Variants in MYT1L observed in about 807,000 individuals in gnomAD.
The protein encoded by MYT1L is myelin transcription factor 1-like protein.
In MYT1L, 12 loss-of-function variants were observed where a neutral mutation model predicts 126.7. That is an observed-to-expected ratio of 0.09 (90% CI 0.06 to 0.15). The LOEUF (loss-of-function observed/expected upper bound fraction) is 0.15, where lower values mean the gene tolerates loss of function less well. Ranked by LOEUF, MYT1L falls within the 10% of genes least tolerant of loss-of-function variation. The probability of loss-of-function intolerance (pLI) is 1.00; values close to 1 mark genes in which losing one functional copy is unlikely to be tolerated. For missense variants in MYT1L, 979 were observed against 1,585.2 expected, an observed-to-expected ratio of 0.62 and a Z score of 6.49; for synonymous variants, 541 against 604.2, an observed-to-expected ratio of 0.90 and a Z score of 1.53.
intron 8 of MYT1L, among the ~76,000 whole-genome samples, chr2:1,972,130 C>T (rs896223914): frequency 6.6e-6 from 1 of 152,086 alleles, no homozygotes; most frequent in South Asian, 2.1e-4. Context: ...TGGAGTAAAG[C>T]ACAGATAGCC....
At chr2:2,118,690 C>G in intron 3 of MYT1L, among the ~76,000 whole-genome samples, 1 of 152,106 alleles carries the variant, frequency 6.6e-6, no homozygotes, top group East Asian at 1.9e-4. Context: ...TAATTCCAGT[C>G]ATTTTGCTTG....
At chr2:2,125,906 T>C (rs1486724293) in intron 3 of MYT1L, among the ~76,000 whole-genome samples, 1 of 152,220 alleles carries the variant, frequency 6.6e-6, no homozygotes, top group African/African-American at 2.4e-5. Flanking sequence ...CTAGCAACAA[T>C]GCCGCAATGC....
Position 2,059,049 on chromosome 2 carries a change from G to C in MYT1L, c.-303-4926C>G, listed in dbSNP as rs796600301. On this transcript the variant is annotated intron_variant, in intron 3 of 24. Transcript: ENST00000647738. This position sits in a 1 kb window ranked among gnomAD's most constrained non-coding sequence, Gnocchi z 4.7. ...GTTTATATAAACTCAAGGACAATTG[G>C]GTCATGTCTGCTGTTTGAGAGAAGG... Among the ~76,000 whole-genome samples the C allele has an allele frequency of 6.6e-6, 1 of 152,166 alleles. No individual in the cohort carries two copies. Among genetic ancestry groups the C allele is most frequent in the Non-Finnish European group, 1.5e-5 (1 of 68,034 alleles).
intron 3 of MYT1L, among the ~76,000 whole-genome samples, chr2:2,102,250 A>G (rs2078190601): frequency 6.6e-6 from 1 of 152,210 alleles, no homozygotes; most frequent in African/African-American, 2.4e-5. Flanking sequence ...GTGCTTAATA[A>G]ATGTTTGTAT....
chr2:1,845,875 T>A (rs371422296), intron 19 of MYT1L, among the ~76,000 whole-genome samples: 2 of 152,184 alleles, frequency 1.3e-5, no homozygotes, highest in Non-Finnish European at 2.9e-5. Flanking sequence ...TTATAAGACG[T>A]TCTGTAATAC....
At chr2:1,863,910 A>G (rs187640168) in intron 18 of MYT1L, among the ~76,000 whole-genome samples, 11 of 152,290 alleles carry the variant, frequency 7.2e-5, no homozygotes, top group South Asian at 2.1e-4. Flanking sequence ...GCCTCTAACC[A>G]TGGTTGACGG....
chr2:2,223,530 G>A (rs2093934097), intron 2 of MYT1L, among the ~76,000 whole-genome samples: 1 of 152,182 alleles, frequency 6.6e-6, no homozygotes, highest in African/African-American at 2.4e-5. Context: ...GATTGGTTCT[G>A]TACTGACGTG....
At chr2:2,184,020 A>G (rs1475412983) in intron 2 of MYT1L, among the ~76,000 whole-genome samples, 1 of 151,070 alleles carries the variant, frequency 6.6e-6, no homozygotes, top group East Asian at 2.0e-4. Flanking sequence ...AAAGAGAGAA[A>G]GAAAGACAGA....
At chr2:1,860,860 G>T (rs116285965) in intron 18 of MYT1L, among the ~76,000 whole-genome samples, 6 of 152,152 alleles carry the variant, frequency 3.9e-5, no homozygotes, top group South Asian at 2.1e-4. Flanking sequence ...CTTTGCAAGG[G>T]CTACTGCCTC....
At chr2:1,859,708 C>A (rs896313479) in intron 18 of MYT1L, among the ~76,000 whole-genome samples, 1 of 152,364 alleles carries the variant, frequency 6.6e-6, no homozygotes, top group East Asian at 1.9e-4. Context: ...CCGTGGCTTG[C>A]GGCTCCAGTG....
At chr2:2,290,357 C>T (rs550202338) in intron 1 of MYT1L, among the ~76,000 whole-genome samples, 5 of 152,252 alleles carry the variant, frequency 3.3e-5, no homozygotes, top group Admixed American at 6.5e-5. Context: ...TCTTTATTTG[C>T]GCAAGTCTGA....
At chr2:1,800,511 G>A (rs563907624) in intron 23 of MYT1L, among the ~76,000 whole-genome samples, 2 of 152,142 alleles carry the variant, frequency 1.3e-5, no homozygotes, top group African/African-American at 2.4e-5. Context: ...CCTCATCCTT[G>A]GTACTCACGG....
intron 19 of MYT1L, chr2:1,841,571 G>A (rs1184982489): frequency 6.6e-6 from 1 of 152,284 alleles, no homozygotes; most frequent in Non-Finnish European, 1.5e-5. Flanking sequence ...AGACTGGGGT[G>A]GGCTAGGATG....
At chr2:2,321,367 C>T (rs913520341) in intron 1 of MYT1L, among the ~76,000 whole-genome samples, 3 of 152,100 alleles carry the variant, frequency 2.0e-5, no homozygotes, top group Non-Finnish European at 2.9e-5. Context: ...CCTGCAGACT[C>T]GCTTATTTCT....
intron 4 of MYT1L, among the ~76,000 whole-genome samples, chr2:2,022,522 G>A (rs2065137714): frequency 6.6e-6 from 1 of 152,052 alleles, no homozygotes. Flanking sequence ...AACCTCTCCT[G>A]TTCCATCTAT....
intron 23 of MYT1L, among the ~76,000 whole-genome samples, chr2:1,792,908 G>A (rs890281611): frequency 1.7e-5 from 2 of 120,144 alleles, no homozygotes; most frequent in Non-Finnish European, 3.5e-5. Flanking sequence ...AAAGGCTTCC[G>A]TGGTGATAGC....
intron 10 of MYT1L, among the ~76,000 whole-genome samples, chr2:1,919,491 G>A (rs1489020292): frequency 6.6e-6 from 1 of 152,198 alleles, no homozygotes; most frequent in African/African-American, 2.4e-5. Context: ...TGACAGAGGA[G>A]GTCCATGATC....
In MYT1L at chr2:1,789,983, C is replaced by T. The variant is rs933757814; in HGVS notation, c.*1884G>A. The stretch of plus-strand genomic sequence containing the variant: ...TATATTTATACACATATATATATAC[C>T]GAGGTTGAGTATTGTATCAGAATAT... On this transcript the variant is annotated 3_prime_UTR_variant, in exon 25 of 25. Coordinates refer to ENST00000647738, the MANE Select transcript of MYT1L (RefSeq NM_001303052.2). 6.6e-6 allele frequency: 1 copy of T among 151,990 alleles called. No homozygotes were observed. The highest frequency in any genetic ancestry group is 1.5e-5 in the Non-Finnish European group (1 of 68,020). 9.4% of individuals were successfully genotyped at this position (151,990 alleles called of 1,614,324 possible). A position where few individuals can be genotyped will look rare whatever the true frequency, so the allele number is the denominator to read the frequency against.
intron 10 of MYT1L, among the ~76,000 whole-genome samples, chr2:1,918,552 C>G (rs2053159375): frequency 6.6e-6 from 1 of 152,124 alleles, no homozygotes; most frequent in Non-Finnish European, 1.5e-5. Flanking sequence ...ATTTTTTGAA[C>G]TTTTACGGAC....
Sources: gnomAD v4.1 joint callset for allele counts (sites outside exome capture counted in the v4.1 genomes callset) on GRCh38, gnomAD v4.1.1 for gene constraint, Gnocchi (gnomAD v3.1) non-coding constraint, MANE v1.5 for transcripts, NCBI Gene and HGNC (gene_info 2026-07-23, HGNC 2026-07-21) for gene names.